SLC44A5: variants seen among roughly 807,000 people sequenced by gnomAD.
SLC44A5 encodes the protein choline transporter-like protein 5.
SLC44A5 carries 57 observed loss-of-function variants against 101.8 expected under a neutral mutation model. The observed-to-expected ratio is 0.56, with a 90% CI of 0.45 to 0.70. The LOEUF is 0.70. Among genes scored for constraint, SLC44A5 ranks in the 30% least tolerant of loss-of-function variants. SLC44A5 has a pLI of 0.00. For missense variants in SLC44A5, 737 were observed against 853.1 expected (o/e 0.86, Z 1.70); for synonymous variants, 281 against 290.9 (o/e 0.97, Z 0.35).
the SLC44A5 span, among the ~76,000 whole-genome samples, chr1:75,698,691 G>A: frequency 3.3e-5 from 5 of 152,292 alleles, no homozygotes; most frequent in East Asian, 1.9e-4. Context: ...GGCTTCAGAC[G>A]ATCAAATTAC....
At chr1:75,282,076 C>T (rs1652645316) in intron 5 of SLC44A5, among the ~76,000 whole-genome samples, 1 of 152,212 alleles carries the variant, frequency 6.6e-6, no homozygotes, top group African/African-American at 2.4e-5. Context: ...CACTCAATGC[C>T]AGCCAGTGAC....
chr1:75,221,387 C>A (rs1433318306), intron 14 of SLC44A5, among the ~76,000 whole-genome samples: 2 of 152,024 alleles, frequency 1.3e-5, no homozygotes, highest in Admixed American at 6.6e-5. Flanking sequence ...TCTTGAATGA[C>A]CTTTTGGAAT....
chr1:75,502,775 T>G (rs1469858446), intron 2 of SLC44A5, among the ~76,000 whole-genome samples: 1 of 150,032 alleles, frequency 6.7e-6, no homozygotes, highest in African/African-American at 2.5e-5. Flanking sequence ...ATAAATGGAC[T>G]TAGAAAAATT....
chr1:75,236,867 G>T lies in SLC44A5; in HGVS notation c.740+120C>A. ...AGGAACTGACATCTGAGTGAAATTT[G>T]TTATGCCACCAGTACATTTCTTTTA... On this transcript the variant is annotated intron_variant, in intron 11 of 23. Coordinates refer to ENST00000370859, the MANE Select transcript of SLC44A5 (RefSeq NM_001130058.2). 9.4e-6 allele frequency: 5 copies of T among 533,898 alleles called. No individual in the cohort carries two copies. In the South Asian group the frequency reaches 1.5e-4, roughly 16 times the overall value. 33.1% of individuals were successfully genotyped at this position (533,898 alleles called of 1,614,324 possible). A position where few individuals can be genotyped will look rare whatever the true frequency, so the allele number is the denominator to read the frequency against.
chr1:75,661,107 C>G, the SLC44A5 span, among the ~76,000 whole-genome samples: 1 of 151,906 alleles, frequency 6.6e-6, no homozygotes. Flanking sequence ...AGCGTAGTAA[C>G]CAAAACAGCT....
intron 2 of SLC44A5, among the ~76,000 whole-genome samples, chr1:75,402,775 G>C (rs911610659): frequency 3.9e-5 from 6 of 152,010 alleles, no homozygotes; most frequent in Non-Finnish European, 7.4e-5. Context: ...GCGCTGTTTG[G>C]GCAGACACTC....
chr1:75,550,228 G>T (rs1671865747), intron 1 of SLC44A5, among the ~76,000 whole-genome samples: 1 of 152,042 alleles, frequency 6.6e-6, no homozygotes, highest in Non-Finnish European at 1.5e-5. Context: ...ATATTATTTG[G>T]CCATAAAAAG....
chr1:75,515,555 C>T (rs1284910273), intron 2 of SLC44A5, among the ~76,000 whole-genome samples: 1 of 152,202 alleles, frequency 6.6e-6, no homozygotes, highest in Non-Finnish European at 1.5e-5. Flanking sequence ...TGACTTATTT[C>T]ACTCAGCACG....
rs1673551556 is a variant in SLC44A5 at position 75,579,362 on chromosome 1, G to A, written c.-70+31678C>T. On this transcript the variant is annotated intron_variant, in intron 1 of 23. Coordinates refer to ENST00000370859, the MANE Select transcript of SLC44A5 (RefSeq NM_001130058.2). ...GGAGACTGATGCAGGAGGATCGCTT[G>A]AACTGAGGAATTCAAGGCTGCAGTG... 2.0e-5 allele frequency among the ~76,000 whole-genome samples: 3 copies of A among 152,194 alleles called. No homozygotes were observed. The South Asian group carries it at 6.2e-4, about 32-fold the overall frequency.
chr1:75,585,889 T>C (rs1673961899), intron 1 of SLC44A5, among the ~76,000 whole-genome samples: 1 of 152,070 alleles, frequency 6.6e-6, no homozygotes, highest in African/African-American at 2.4e-5. Flanking sequence ...TGAGAGGAAG[T>C]TCAAGAATTG....
At chr1:75,242,639 T>C (rs1294981316) in intron 8 of SLC44A5, among the ~76,000 whole-genome samples, 1 of 152,070 alleles carries the variant, frequency 6.6e-6, no homozygotes, top group Non-Finnish European at 1.5e-5. Context: ...TTTATTAGTG[T>C]CGGGGAATAG....
the SLC44A5 span, among the ~76,000 whole-genome samples, chr1:75,676,159 C>A: frequency 6.6e-6 from 1 of 152,164 alleles, no homozygotes; most frequent in Non-Finnish European, 1.5e-5. Flanking sequence ...AGAACTAGAA[C>A]TGGAAATACC....
chr1:75,211,109 T>G (rs1220711273), intron 23 of SLC44A5, among the ~76,000 whole-genome samples: 1 of 152,122 alleles, frequency 6.6e-6, no homozygotes, highest in Non-Finnish European at 1.5e-5. Context: ...TACATGTGAG[T>G]GCCATAATTT....
At chr1:75,682,183 G>A in the SLC44A5 span, among the ~76,000 whole-genome samples, 2,383 of 152,236 alleles carry the variant, frequency 0.016, 72 homozygotes, top group African/African-American at 0.053. Context: ...TACTGCCCAA[G>A]GTAATTTACG....
chr1:75,478,338 C>T (rs1217177334), intron 2 of SLC44A5, among the ~76,000 whole-genome samples: 3 of 152,206 alleles, frequency 2.0e-5, no homozygotes, highest in African/African-American at 7.2e-5. Flanking sequence ...GAAGAAACTG[C>T]ATGAACTAAC....
At chr1:75,383,578 G>C (rs1450620561) in intron 3 of SLC44A5, among the ~76,000 whole-genome samples, 1 of 152,180 alleles carries the variant, frequency 6.6e-6, no homozygotes, top group Non-Finnish European at 1.5e-5. Flanking sequence ...ATCTACGTCT[G>C]ATTGGTGTAC....
chr1:75,505,658 G>C (rs377466662), intron 2 of SLC44A5, among the ~76,000 whole-genome samples: 22 of 152,086 alleles, frequency 1.4e-4, no homozygotes, highest in African/African-American at 5.3e-4. Flanking sequence ...CTTCTTTTCA[G>C]AAGTGTCTGC....
At chr1:75,297,324 A>C (rs1654043357) in intron 5 of SLC44A5, among the ~76,000 whole-genome samples, 1 of 152,204 alleles carries the variant, frequency 6.6e-6, no homozygotes, top group African/African-American at 2.4e-5. Flanking sequence ...TGGCTCTATC[A>C]CCCAGGCTGG....
intron 4 of SLC44A5, among the ~76,000 whole-genome samples, chr1:75,332,153 C>T (rs1026770013): frequency 9.2e-5 from 14 of 152,072 alleles, no homozygotes; most frequent in Non-Finnish European, 1.8e-4. Context: ...TGAAAAATGC[C>T]TCTTGTAATT....
Sources: allele counts gnomAD v4.1 joint callset (sites outside exome capture counted in the v4.1 genomes callset), GRCh38; gene constraint gnomAD v4.1.1; transcripts MANE v1.5; gene names NCBI Gene and HGNC (gene_info 2026-07-23, HGNC 2026-07-21).